STX8: variants seen among roughly 807,000 people sequenced by gnomAD.
STX8 encodes the protein syntaxin 8, also known as syntaxin-8.
A neutral mutation model predicts 37.5 loss-of-function variants in STX8; 23 were observed. That is an observed-to-expected ratio of 0.61 (90% CI 0.44 to 0.87). The LOEUF (loss-of-function observed/expected upper bound fraction) is 0.87, where lower values mean the gene tolerates loss of function less well. Ranked by LOEUF, STX8 falls within the 40% of genes least tolerant of loss-of-function variation. The probability of loss-of-function intolerance (pLI) is 0.00; values close to 1 mark genes in which losing one functional copy is unlikely to be tolerated. For missense variants in STX8, 313 were observed against 284.7 expected (o/e 1.10, Z -0.71); for synonymous variants, 115 against 99.1 (o/e 1.16, Z -0.95).
chr17:9,369,886 C>CAAAAAAAAAAAAAAAAAAA (rs60178482), intron 7 of STX8, among the ~76,000 whole-genome samples: 19 of 52,134 alleles, frequency 3.6e-4, no homozygotes, highest in East Asian at 7.6e-4. Flanking sequence ...GACCCTGTAC[C>CAAAAAAAAAAAAAAAAAAA]AAAAAAAAAA....
chr17:9,325,568 C>T (rs887940080), intron 7 of STX8, among the ~76,000 whole-genome samples: 1 of 152,140 alleles, frequency 6.6e-6, no homozygotes, highest in African/African-American at 2.4e-5. Flanking sequence ...TGATAATTTC[C>T]GAACAAGGGG....
intron 3 of STX8, chr17:9,557,156 C>T (rs942572007): frequency 1.3e-5 from 4 of 308,672 alleles, no homozygotes; most frequent in East Asian, 1.3e-4. Context: ...TGTGGGGCTC[C>T]GTAAATACCG....
chr17:9,385,929 G>A (rs927017364), intron 6 of STX8, among the ~76,000 whole-genome samples: 1 of 152,080 alleles, frequency 6.6e-6, no homozygotes, highest in African/African-American at 2.4e-5. Flanking sequence ...ACGCGCCACT[G>A]CGCCTGTCTA....
intron 7 of STX8, among the ~76,000 whole-genome samples, chr17:9,341,420 G>A (rs1204482000): frequency 6.6e-6 from 1 of 152,094 alleles, no homozygotes; most frequent in South Asian, 2.1e-4. Context: ...TAGAGTAGTC[G>A]CCACAAGACA....
At chr17:9,384,136 T>C (rs1056841985) in intron 6 of STX8, among the ~76,000 whole-genome samples, 2 of 152,044 alleles carry the variant, frequency 1.3e-5, no homozygotes, top group African/African-American at 4.8e-5. Context: ...ATTTTTTTTT[T>C]TTTCATATAT....
chr17:9,496,738 G>A (rs1407308876), intron 5 of STX8, among the ~76,000 whole-genome samples: 1 of 152,156 alleles, frequency 6.6e-6, no homozygotes, highest in African/African-American at 2.4e-5. Flanking sequence ...GTCCTGAAAA[G>A]CAGAGAACCT....
rs1300423785 is a variant in STX8 at position 9,293,889 on chromosome 17, G to A, written c.644-43244C>T. Among the ~76,000 whole-genome samples, 3 of 151,644 alleles carry A rather than the reference G, an allele frequency of 2.0e-5. No individual in the cohort carries two copies. In the East Asian group the frequency reaches 5.8e-4, roughly 29 times the overall value. ...CCATTCTGCTGTCTCAGCCTCCCAAGTACCTGGGACTACAGGCACCCGCCA... is the reference window on the plus strand; with the variant it reads ...CCATTCTGCTGTCTCAGCCTCCCAAATACCTGGGACTACAGGCACCCGCCA... On this transcript the variant is annotated intron_variant, in intron 7 of 7. Coordinates refer to ENST00000306357, the MANE Select transcript of STX8 (RefSeq NM_004853.3).
chr17:9,413,406 C>G (rs1329262061), intron 6 of STX8, among the ~76,000 whole-genome samples: 1 of 152,152 alleles, frequency 6.6e-6, no homozygotes, highest in Non-Finnish European at 1.5e-5. Flanking sequence ...GGACATGGAG[C>G]TGTGATTCTT....
At chr17:9,511,849 C>T (rs4616317) in intron 4 of STX8, among the ~76,000 whole-genome samples, 97,746 of 151,726 alleles carry the variant, frequency 0.64, 32,905 homozygotes, top group Middle Eastern at 0.83. Context: ...CTAAAGACTA[C>T]CAAAAAAAAA....
At chr17:9,379,023 T>C (rs1911699592) in intron 6 of STX8, among the ~76,000 whole-genome samples, 1 of 151,946 alleles carries the variant, frequency 6.6e-6, no homozygotes, top group Non-Finnish European at 1.5e-5. Context: ...GGAGGGAGGA[T>C]TGCCTGAGGT....
intron 7 of STX8, among the ~76,000 whole-genome samples, chr17:9,289,566 A>T (rs148593552): frequency 2.0e-5 from 3 of 151,902 alleles, no homozygotes; most frequent in African/African-American, 7.2e-5. Context: ...ATAATAGACA[A>T]AGGGGAAAAT....
At chr17:9,405,545 AGATAT>A (rs1349705326) in intron 6 of STX8, among the ~76,000 whole-genome samples, 5 of 152,216 alleles carry the variant, frequency 3.3e-5, no homozygotes, top group African/African-American at 9.6e-5. Flanking sequence ...TAGCAGCTTT[AGATAT>A]AAGGGCAGTC....
chr17:9,562,601 GAAAAA>G lies in STX8; in HGVS notation c.118-5078_118-5074del, dbSNP rs748400596. On this transcript the variant is annotated intron_variant, in intron 2 of 7. Transcript: ENST00000306357. ...TGGGCAAAAGACAAGACAGTTCACA[GAAAAA>G]AAAAAAAATATATATATATATATAT... 5.2e-3 allele frequency among the ~76,000 whole-genome samples: 257 copies of G among 49,368 alleles called. 2 individuals carry two copies. The highest frequency in any genetic ancestry group is 8.3e-3 in the African/African-American group (205 of 24,836). 32.4% of individuals were successfully genotyped at this position (49,368 alleles called of 152,430 possible). A position where few individuals can be genotyped will look rare whatever the true frequency, so the allele number is the denominator to read the frequency against.
chr17:9,570,780 C>A (rs1464167380), intron 1 of STX8, among the ~76,000 whole-genome samples: 3 of 152,098 alleles, frequency 2.0e-5, no homozygotes, highest in Non-Finnish European at 4.4e-5. Context: ...AATGTGGGAT[C>A]TAAGTGGTAA....
chr17:9,471,843 C>T (rs1461950407), intron 6 of STX8, among the ~76,000 whole-genome samples: 4 of 152,122 alleles, frequency 2.6e-5, no homozygotes, highest in Admixed American at 2.0e-4. Context: ...AGCCTTTTCC[C>T]TTTGCTGATT....
chr17:9,463,715 C>G (rs1055386429), intron 6 of STX8, among the ~76,000 whole-genome samples: 1 of 152,160 alleles, frequency 6.6e-6, no homozygotes, highest in African/African-American at 2.4e-5. Context: ...TGAGACCAGC[C>G]TGACCAACAT....
chr17:9,345,957 T>C (rs1260399669), intron 7 of STX8, among the ~76,000 whole-genome samples: 1 of 145,814 alleles, frequency 6.9e-6, no homozygotes, highest in African/African-American at 2.5e-5. Flanking sequence ...GTTCAAGTGA[T>C]TCTCCTGCCT....
intron 6 of STX8, among the ~76,000 whole-genome samples, chr17:9,418,525 A>C (rs1005658248): frequency 5.3e-5 from 8 of 150,260 alleles, no homozygotes; most frequent in African/African-American, 1.7e-4. Context: ...CTAAAAAAAA[A>C]AAAAAACAAA....
At chr17:9,499,534 G>T (rs185018702) in intron 5 of STX8, among the ~76,000 whole-genome samples, 78 of 152,258 alleles carry the variant, frequency 5.1e-4, no homozygotes, top group African/African-American at 1.7e-3. Context: ...GAGTAGCTGG[G>T]ACTACAGGCG....
Sources: allele counts gnomAD v4.1 joint callset (sites outside exome capture counted in the v4.1 genomes callset), GRCh38; gene constraint gnomAD v4.1.1; transcripts MANE v1.5; gene names NCBI Gene and HGNC (gene_info 2026-07-23, HGNC 2026-07-21).